HS6ST3: variants seen among roughly 807,000 people sequenced by gnomAD.
HS6ST3 encodes the protein heparan sulfate 6-O-sulfotransferase 3.
A neutral mutation model predicts 36.7 loss-of-function variants in HS6ST3; 12 were observed. That is an observed-to-expected ratio of 0.33 (90% CI 0.21 to 0.53). The LOEUF (loss-of-function observed/expected upper bound fraction) is 0.53. Among genes scored for constraint, HS6ST3 ranks in the 20% least tolerant of loss-of-function variants. HS6ST3 has a pLI of 0.95. For synonymous variants in HS6ST3, 240 were observed against 257.5 expected (o/e 0.93, Z 0.65); for missense variants, 584 against 640.9 (o/e 0.91, Z 0.96).
At chr13:96,628,499 A>G (rs558950592) in intron 1 of HS6ST3, among the ~76,000 whole-genome samples, 1 of 152,160 alleles carries the variant, frequency 6.6e-6, no homozygotes, top group Non-Finnish European at 1.5e-5. Flanking sequence ...ATCCATTTAA[A>G]TCAAATTGAT....
chr13:96,168,466 G>A (rs530650389), intron 1 of HS6ST3, among the ~76,000 whole-genome samples: 39 of 152,192 alleles, frequency 2.6e-4, no homozygotes, highest in African/African-American at 9.2e-4. Context: ...AGCACTTTGG[G>A]TGGCCGGAGC....
intron 1 of HS6ST3, among the ~76,000 whole-genome samples, chr13:96,619,342 G>A (rs1266307490): frequency 6.6e-6 from 1 of 152,086 alleles, no homozygotes; most frequent in African/African-American, 2.4e-5. Context: ...ATTTTTCTAT[G>A]ACTTCTTTTC....
chr13:96,231,565 C>T (rs1322615789), intron 1 of HS6ST3, among the ~76,000 whole-genome samples: 1 of 151,974 alleles, frequency 6.6e-6, no homozygotes, highest in East Asian at 1.9e-4. Flanking sequence ...CATGATAACT[C>T]ACTATCATGA....
chr13:96,146,131 A>G (rs1458782028), intron 1 of HS6ST3, among the ~76,000 whole-genome samples: 1 of 152,178 alleles, frequency 6.6e-6, no homozygotes, highest in Non-Finnish European at 1.5e-5. Flanking sequence ...TGTCTTGGCA[A>G]TGCAGGCTCT....
At chr13:96,295,106 A>G (rs773516799) in intron 1 of HS6ST3, among the ~76,000 whole-genome samples, 1 of 152,126 alleles carries the variant, frequency 6.6e-6, no homozygotes, top group African/African-American at 2.4e-5. Flanking sequence ...AGGATGATCA[A>G]CGAATGGGCT....
intron 1 of HS6ST3, among the ~76,000 whole-genome samples, chr13:96,445,954 C>T (rs979644738): frequency 6.6e-6 from 1 of 151,988 alleles, no homozygotes; most frequent in Non-Finnish European, 1.5e-5. Context: ...GGGCAGATCA[C>T]GAAGTCAGGA....
intron 1 of HS6ST3, among the ~76,000 whole-genome samples, chr13:96,540,451 A>AT (rs1187248333): frequency 4.6e-5 from 7 of 150,648 alleles, no homozygotes; most frequent in African/African-American, 1.7e-4. Flanking sequence ...CATTGGATCC[A>AT]TTTTATCTAC....
At chr13:96,235,198 A>G (rs1185340977) in intron 1 of HS6ST3, among the ~76,000 whole-genome samples, 1 of 152,214 alleles carries the variant, frequency 6.6e-6, no homozygotes, top group Non-Finnish European at 1.5e-5. Flanking sequence ...TGGGGAAATA[A>G]TATATATGAC....
chr13:96,633,882 G>T (rs1594823108), intron 1 of HS6ST3, among the ~76,000 whole-genome samples: 1 of 152,070 alleles, frequency 6.6e-6, no homozygotes, highest in Non-Finnish European at 1.5e-5. Context: ...CTCAGTGAAG[G>T]GTCAGAGATT....
chr13:96,103,872 C>A (rs974535146), intron 1 of HS6ST3, among the ~76,000 whole-genome samples: 14 of 151,788 alleles, frequency 9.2e-5, no homozygotes, highest in Admixed American at 2.6e-4. Context: ...AATGACTTAT[C>A]TAAGTGCATA....
chr13:96,662,785 G>T (rs2056650907), intron 1 of HS6ST3, among the ~76,000 whole-genome samples: 1 of 151,980 alleles, frequency 6.6e-6, no homozygotes. Flanking sequence ...CTTTGGATGG[G>T]ATGTTTTCTT....
intron 1 of HS6ST3, among the ~76,000 whole-genome samples, chr13:96,555,678 T>C (rs1460649771): frequency 1.3e-5 from 2 of 152,146 alleles, no homozygotes; most frequent in Non-Finnish European, 2.9e-5. Context: ...ATATTTAGAC[T>C]CTCCTGTTGG....
At chr13:96,560,701 A>G (rs1435566662) in intron 1 of HS6ST3, among the ~76,000 whole-genome samples, 3 of 152,216 alleles carry the variant, frequency 2.0e-5, no homozygotes, top group African/African-American at 7.2e-5. Context: ...ATCAATGTAC[A>G]AAATAATCAG....
chr13:96,172,289 A>G (rs934347397), intron 1 of HS6ST3, among the ~76,000 whole-genome samples: 3 of 152,194 alleles, frequency 2.0e-5, no homozygotes, highest in African/African-American at 4.8e-5. Flanking sequence ...CAATGACATC[A>G]TCAAAGGGTA....
chr13:96,555,244 G>A (rs953563298), intron 1 of HS6ST3, among the ~76,000 whole-genome samples: 2 of 152,022 alleles, frequency 1.3e-5, no homozygotes, highest in African/African-American at 4.8e-5. Flanking sequence ...GTGTTAATTA[G>A]TTTGATTTAG....
chr13:96,475,427 T>G (rs1438373707), intron 1 of HS6ST3, among the ~76,000 whole-genome samples: 1 of 152,116 alleles, frequency 6.6e-6, no homozygotes, highest in Non-Finnish European at 1.5e-5. Context: ...CATAATGGTT[T>G]AGCTGCTTGA....
chr13:96,673,531 T>C, intron 1 of HS6ST3, among the ~76,000 whole-genome samples: 1 of 152,186 alleles, frequency 6.6e-6, no homozygotes, highest in East Asian at 1.9e-4. Context: ...TTTCATGTTC[T>C]TTATTTCAGG....
intron 1 of HS6ST3, among the ~76,000 whole-genome samples, chr13:96,437,760 A>G (rs2055650284): frequency 6.6e-6 from 1 of 152,236 alleles, no homozygotes; most frequent in African/African-American, 2.4e-5. Context: ...ATAACATGCT[A>G]GGGAAAACAG....
intron 1 of HS6ST3, among the ~76,000 whole-genome samples, chr13:96,117,542 T>C (rs2053899493): frequency 6.6e-6 from 1 of 152,150 alleles, no homozygotes. Flanking sequence ...TGAATGATGA[T>C]ATTCACTGGA....
Sources: gnomAD v4.1 joint callset for allele counts (sites outside exome capture counted in the v4.1 genomes callset) on GRCh38, gnomAD v4.1.1 for gene constraint, MANE v1.5 for transcripts, NCBI Gene and HGNC (gene_info 2026-07-23, HGNC 2026-07-21) for gene names.